The following PAAF1 variants were observed in gnomAD, a reference collection of about 807,000 sequenced individuals.
The protein encoded by PAAF1 is proteasomal ATPase-associated factor 1.
A neutral mutation model predicts 52.8 loss-of-function variants in PAAF1; 46 were observed. The ratio of observed to expected loss-of-function variants is 0.87; its 90% CI spans 0.69 to 1.11. PAAF1 has a LOEUF of 1.11. Among genes scored for constraint, PAAF1 ranks in the 50% most tolerant of loss-of-function variants. The pLI is 0.00. For missense variants in PAAF1, 424 were observed against 477.4 expected (o/e 0.89, Z 1.04); for synonymous variants, 178 against 172.8 (o/e 1.03, Z -0.24).
intron 4 of PAAF1, among the ~76,000 whole-genome samples, chr11:73,897,938 C>T (rs35531604): frequency 0.057 from 8,602 of 152,066 alleles, 273 homozygotes; most frequent in Middle Eastern, 0.11. Flanking sequence ...CCCGGCACCT[C>T]GGGAGGCCGA....
At chr11:73,924,523 T>C in intron 10 of PAAF1, 92 bp from the exon 11 acceptor site, 1 of 1,023,334 alleles carries the variant, frequency 9.8e-7, no homozygotes, top group Non-Finnish European at 1.5e-6. Flanking sequence ...TTCTTTACAC[T>C]AGTGATCTAC....
At chr11:73,897,275 G>A (rs1591071296) in intron 4 of PAAF1, among the ~76,000 whole-genome samples, 2 of 149,564 alleles carry the variant, frequency 1.3e-5, no homozygotes, top group Admixed American at 1.3e-4. Context: ...GGCTGGCCGT[G>A]TGGGGGGCTG....
intron 5 of PAAF1, 142 bp from the exon 6 acceptor site, chr11:73,900,128 C>A: frequency 1.2e-6 from 1 of 818,046 alleles, no homozygotes; most frequent in Non-Finnish European, 1.9e-6. Context: ...GCTAAGAGAT[C>A]CTTTGGATAT....
chr11:73,902,978 G>A (rs1047204349), intron 6 of PAAF1, among the ~76,000 whole-genome samples: 11 of 152,264 alleles, frequency 7.2e-5, no homozygotes, highest in Non-Finnish European at 1.2e-4. Context: ...GATTACAGGC[G>A]TGAGCCACTG....
At chr11:73,912,576 C>T (rs1226531463) in intron 7 of PAAF1, among the ~76,000 whole-genome samples, 6 of 152,172 alleles carry the variant, frequency 3.9e-5, no homozygotes, top group Admixed American at 6.5e-5. Flanking sequence ...TCATCTATTG[C>T]CTGTACTACT....
Position 73,909,537 on chromosome 11 carries a change from T to TAGATAGA in PAAF1, c.671_672insAGATAGA (p.Ala225AspfsTer8). On this transcript the variant is annotated frameshift_variant, in exon 7 of 12. Coordinates refer to ENST00000310571, the MANE Select transcript of PAAF1 (RefSeq NM_025155.3). LOFTEE classifies it high-confidence loss of function. ...GATTGTGGTTCTTCTATCAATGGAG[T>TAGATAGA]GGCGGTGGGTGCTGCTGACAACTCC... 1 of 1,614,116 alleles carries TAGATAGA rather than the reference T, an allele frequency of 6.2e-7. No homozygotes were observed.
chr11:73,882,199 A>G (rs1948929842), intron 2 of PAAF1, among the ~76,000 whole-genome samples: 1 of 151,110 alleles, frequency 6.6e-6, no homozygotes, highest in South Asian at 2.1e-4. Flanking sequence ...TATTTTTAGT[A>G]GAGATGGGGT....
chr11:73,930,110 C>G lies in PAAF1; in HGVS notation c.*2748C>G, dbSNP rs544979860. On this transcript the variant is annotated 3_prime_UTR_variant, in exon 12 of 12. Coordinates refer to ENST00000310571, the MANE Select transcript of PAAF1 (RefSeq NM_025155.3). The stretch of plus-strand genomic sequence containing the variant: ...AATGGGCCGGGCGCAGTGGCTCACG[C>G]CTGTAATCCCAGCACTTTGGGAGGC... The G allele has an allele frequency of 1.9e-4, 29 of 151,962 alleles. 1 individual carries two copies. The highest frequency in any genetic ancestry group is 6.5e-4 in the African/African-American group (27 of 41,294). 9.4% of individuals were successfully genotyped at this position (151,962 alleles called of 1,614,324 possible).
intron 10 of PAAF1, among the ~76,000 whole-genome samples, chr11:73,921,392 A>G (rs1038956360): frequency 7.0e-6 from 1 of 143,612 alleles, no homozygotes; most frequent in Non-Finnish European, 1.5e-5. Context: ...TACTTTTTGT[A>G]CTTTTTTTTT....
chr11:73,897,854 G>A (rs890416154), intron 4 of PAAF1, among the ~76,000 whole-genome samples: 6 of 147,472 alleles, frequency 4.1e-5, no homozygotes, highest in Non-Finnish European at 8.9e-5. Flanking sequence ...AGGTTGTAGC[G>A]AGCCGAGATC....
At chr11:73,921,707 A>G in intron 10 of PAAF1, 1 of 940,578 alleles carries the variant, frequency 1.1e-6, no homozygotes, top group East Asian at 2.8e-5. Context: ...TTCACAAAAC[A>G]AGTCCACCAC....
chr11:73,884,679 G>A (rs1323212501), intron 2 of PAAF1, among the ~76,000 whole-genome samples: 1 of 152,140 alleles, frequency 6.6e-6, no homozygotes, highest in Non-Finnish European at 1.5e-5. Flanking sequence ...TTCTGAAATA[G>A]TGCTTCATGA....
upstream of PAAF1, chr11:73,876,833 CTG>C (rs1948755308): frequency 3.6e-6 from 2 of 562,858 alleles, no homozygotes; most frequent in South Asian, 6.9e-5. Context: ...TGGGGATCCT[CTG>C]TACATCCTTT....
intron 2 of PAAF1, chr11:73,880,295 A>G (rs775730977): frequency 6.6e-6 from 1 of 151,484 alleles, no homozygotes; most frequent in Non-Finnish European, 1.5e-5. Flanking sequence ...CAAATACACA[A>G]ATATATATAT....
chr11:73,901,193 C>T (rs1487678913), intron 6 of PAAF1, among the ~76,000 whole-genome samples: 1 of 150,558 alleles, frequency 6.6e-6, no homozygotes, highest in East Asian at 1.9e-4. Flanking sequence ...CATCATCAGA[C>T]ATTATGATAG....
At chr11:73,902,084 T>A (rs1279767099) in intron 6 of PAAF1, among the ~76,000 whole-genome samples, 2 of 150,030 alleles carry the variant, frequency 1.3e-5, no homozygotes, top group Non-Finnish European at 3.0e-5. Context: ...GGGCTGGTCT[T>A]AAACTGGCCT....
intron 4 of PAAF1, among the ~76,000 whole-genome samples, chr11:73,892,160 A>G (rs1427460623): frequency 6.6e-6 from 1 of 152,006 alleles, no homozygotes; most frequent in Non-Finnish European, 1.5e-5. Flanking sequence ...CTGTCTCTAC[A>G]GAAAAATACA....
At chr11:73,893,624 C>A (rs936605178) in intron 4 of PAAF1, among the ~76,000 whole-genome samples, 1 of 150,218 alleles carries the variant, frequency 6.7e-6, no homozygotes, top group Admixed American at 6.7e-5. Flanking sequence ...ATAATCCCAG[C>A]TACTCGGGAG....
chr11:73,887,246 C>A, intron 2 of PAAF1, 108 bp from the exon 3 acceptor site: 1 of 713,614 alleles, frequency 1.4e-6, no homozygotes, highest in Non-Finnish European at 2.2e-6. Context: ...CTTTCGTGGG[C>A]CAATTTCATG....
Sources: gnomAD v4.1 joint callset for allele counts (sites outside exome capture counted in the v4.1 genomes callset) on GRCh38, gnomAD v4.1.1 for gene constraint, MANE v1.5 for transcripts, NCBI Gene and HGNC (gene_info 2026-07-23, HGNC 2026-07-21) for gene names.